The following PAPPA2 variants were observed in gnomAD, a reference collection of about 807,000 sequenced individuals.
PAPPA2 encodes pappalysin-2.
A neutral mutation model predicts 176.4 loss-of-function variants in PAPPA2; 86 were observed. The observed-to-expected ratio is 0.49, with a 90% CI of 0.41 to 0.58. PAPPA2 has a LOEUF of 0.58. PAPPA2 is among the 20% of genes least tolerant of loss of function. PAPPA2 has a pLI of 0.00. For synonymous variants in PAPPA2, 809 were observed against 852.2 expected (o/e 0.95, Z 0.88); for missense variants, 2,073 against 2,256.9 (o/e 0.92, Z 1.65).
At chr1:176,797,653 T>C (rs563585531) in intron 20 of PAPPA2, among the ~76,000 whole-genome samples, 6 of 151,624 alleles carry the variant, frequency 4.0e-5, no homozygotes, top group African/African-American at 1.4e-4. Flanking sequence ...AAAATATATA[T>C]ATAAATAAAT....
chr1:176,611,934 A>T (rs1219818828), intron 3 of PAPPA2, among the ~76,000 whole-genome samples: 1 of 152,214 alleles, frequency 6.6e-6, no homozygotes, highest in Non-Finnish European at 1.5e-5. Context: ...ATTTTGACAC[A>T]TATTTCTAAA....
At chr1:176,721,943 A>G (rs1233533825) in intron 12 of PAPPA2, among the ~76,000 whole-genome samples, 2 of 148,822 alleles carry the variant, frequency 1.3e-5, no homozygotes, top group East Asian at 2.0e-4. Context: ...CTTCTTTTTC[A>G]TGCTGTCGTC....
intron 3 of PAPPA2, among the ~76,000 whole-genome samples, chr1:176,669,030 G>A (rs552174336): frequency 2.0e-3 from 311 of 152,240 alleles, no homozygotes; most frequent in African/African-American, 7.1e-3. Context: ...GGGAGGATGG[G>A]AGGATGGTGT....
chr1:176,711,602 CT>C (rs948328835), intron 11 of PAPPA2, among the ~76,000 whole-genome samples: 7 of 152,130 alleles, frequency 4.6e-5, no homozygotes, highest in African/African-American at 1.7e-4. Flanking sequence ...TGTAAGACCC[CT>C]GGGCCGATGA....
intron 1 of PAPPA2, among the ~76,000 whole-genome samples, chr1:176,496,743 A>C (rs1356718284): frequency 6.6e-6 from 1 of 152,146 alleles, no homozygotes; most frequent in African/African-American, 2.4e-5. Context: ...TGAAATGGGG[A>C]AGTCGAGAAA....
At chr1:176,775,842 T>C (rs1664435684) in intron 17 of PAPPA2, among the ~76,000 whole-genome samples, 1 of 152,208 alleles carries the variant, frequency 6.6e-6, no homozygotes, top group South Asian at 2.1e-4. Context: ...CAGAATAAGA[T>C]TTTTCTCTTT....
intron 3 of PAPPA2, among the ~76,000 whole-genome samples, chr1:176,640,876 G>A (rs1331372740): frequency 1.3e-5 from 2 of 151,612 alleles, no homozygotes; most frequent in African/African-American, 4.8e-5. Flanking sequence ...TTTAATGATT[G>A]CCATTCTAAC....
At chr1:176,644,385 A>G (rs540987833) in intron 3 of PAPPA2, among the ~76,000 whole-genome samples, 1 of 151,942 alleles carries the variant, frequency 6.6e-6, no homozygotes, top group South Asian at 2.1e-4. Flanking sequence ...CCTGGAGTTT[A>G]TGAGTGACAG....
At chr1:176,694,884 A>T (rs1271888902) in intron 6 of PAPPA2, among the ~76,000 whole-genome samples, 1 of 152,226 alleles carries the variant, frequency 6.6e-6, no homozygotes, top group Non-Finnish European at 1.5e-5. Flanking sequence ...GTGAATGGAA[A>T]TTCTCAACAC....
intron 12 of PAPPA2, among the ~76,000 whole-genome samples, chr1:176,712,399 G>A (rs1661188131): frequency 6.6e-6 from 1 of 152,080 alleles, no homozygotes. Context: ...TCATAGATTA[G>A]TTTTGACTGT....
chr1:176,637,096 G>A (rs1284558513), intron 3 of PAPPA2, among the ~76,000 whole-genome samples: 1 of 152,064 alleles, frequency 6.6e-6, no homozygotes, highest in Non-Finnish European at 1.5e-5. Flanking sequence ...TAGGATTGTA[G>A]GCAATGGGGG....
intron 3 of PAPPA2, among the ~76,000 whole-genome samples, chr1:176,658,716 C>G (rs1658161979): frequency 6.6e-6 from 1 of 152,020 alleles, no homozygotes; most frequent in South Asian, 2.1e-4. Context: ...AGTAAATCCA[C>G]TAATTCAATC....
intron 3 of PAPPA2, among the ~76,000 whole-genome samples, chr1:176,651,102 G>A (rs1053444203): frequency 6.6e-6 from 1 of 151,562 alleles, no homozygotes; most frequent in African/African-American, 2.4e-5. Context: ...GATTGTTATA[G>A]CTATTATTAG....
intron 2 of PAPPA2, among the ~76,000 whole-genome samples, chr1:176,562,751 G>C (rs898572241): frequency 2.0e-5 from 3 of 152,216 alleles, no homozygotes; most frequent in African/African-American, 7.2e-5. Flanking sequence ...TGTGAACAGG[G>C]CATAGCCCCT....
At chr1:176,748,400 T>G (rs1192709254) in intron 14 of PAPPA2, among the ~76,000 whole-genome samples, 4 of 152,180 alleles carry the variant, frequency 2.6e-5, no homozygotes, top group Non-Finnish European at 4.4e-5. Flanking sequence ...GGTAGGTGGA[T>G]TATCCAAGCA....
intron 2 of PAPPA2, among the ~76,000 whole-genome samples, chr1:176,575,836 T>C (rs921532380): frequency 2.0e-5 from 3 of 152,258 alleles, no homozygotes; most frequent in South Asian, 2.1e-4. Flanking sequence ...AAATCTGTAC[T>C]TAGGAAATTA....
At chr1:176,711,292 A>T (rs1452111675) in intron 11 of PAPPA2, among the ~76,000 whole-genome samples, 1 of 152,186 alleles carries the variant, frequency 6.6e-6, no homozygotes, top group Admixed American at 6.5e-5. Context: ...AAGTCCTGGC[A>T]TCCGATGACA....
chr1:176,623,656 T>TTTCTTTCC (rs1655769796), intron 3 of PAPPA2, among the ~76,000 whole-genome samples: 2 of 128,838 alleles, frequency 1.6e-5, no homozygotes, highest in Non-Finnish European at 3.4e-5. Flanking sequence ...TCTTTCTTTC[T>TTTCTTTCC]TTCTTTCTTT....
At chr1:176,694,478 T>C (rs1660267506) in intron 6 of PAPPA2, among the ~76,000 whole-genome samples, 1 of 152,268 alleles carries the variant, frequency 6.6e-6, no homozygotes, top group African/African-American at 2.4e-5. Context: ...ATGCCAGTTA[T>C]GTGAGGTACT....
Sources: allele counts gnomAD v4.1 joint callset (sites outside exome capture counted in the v4.1 genomes callset), GRCh38; gene constraint gnomAD v4.1.1; transcripts MANE v1.5; gene names NCBI Gene and HGNC (gene_info 2026-07-23, HGNC 2026-07-21).